The following PCSK6 variants were observed in gnomAD, a reference collection of about 807,000 sequenced individuals.
PCSK6 encodes the protein paired basic amino acid cleaving enzyme 4.
In PCSK6, 85 loss-of-function variants were observed where a neutral mutation model predicts 123.3. The observed-to-expected ratio is 0.69, with a 90% CI of 0.58 to 0.83. PCSK6 has a LOEUF of 0.83. Among genes scored for constraint, PCSK6 ranks in the 40% least tolerant of loss-of-function variants. The pLI, the probability that PCSK6 is intolerant of heterozygous loss-of-function variation, is 0.00. For synonymous variants in PCSK6, 508 were observed against 516.0 expected (o/e 0.98, Z 0.21); for missense variants, 1,191 against 1,282.3 (o/e 0.93, Z 1.09).
intron 8 of PCSK6, among the ~76,000 whole-genome samples, chr15:101,390,772 G>A (rs1449805012): frequency 6.6e-6 from 1 of 152,226 alleles, no homozygotes; most frequent in Non-Finnish European, 1.5e-5. Flanking sequence ...CCTTGGTCTT[G>A]GCCTCGTGAG....
intron 13 of PCSK6, chr15:101,347,177 G>A: frequency 8.1e-7 from 1 of 1,231,672 alleles, no homozygotes; most frequent in Non-Finnish European, 1.0e-6. Flanking sequence ...GGCACAGAAG[G>A]CATGTGCTTT....
intron 9 of PCSK6, 109 bp downstream of exon 9, chr15:101,389,355 A>T: frequency 1.2e-6 from 1 of 817,394 alleles, no homozygotes; most frequent in East Asian, 2.6e-5. Context: ...GAATGTGCTT[A>T]ATGCCGCTGA....
At chr15:101,414,978 C>T (rs534304117) in intron 6 of PCSK6, among the ~76,000 whole-genome samples, 14 of 152,278 alleles carry the variant, frequency 9.2e-5, no homozygotes, top group African/African-American at 3.1e-4. Flanking sequence ...CGCAAGTGTG[C>T]TACTTTTATC....
intron 6 of PCSK6, among the ~76,000 whole-genome samples, chr15:101,403,653 A>AC (rs1459748614): frequency 1.3e-5 from 2 of 151,826 alleles, no homozygotes; most frequent in South Asian, 4.2e-4. Flanking sequence ...CCTCCCTGTC[A>AC]CCCCCAGCTT....
chr15:101,315,292 C>T (rs888919114), intron 19 of PCSK6, among the ~76,000 whole-genome samples: 3 of 152,046 alleles, frequency 2.0e-5, no homozygotes, highest in Non-Finnish European at 2.9e-5. Flanking sequence ...TGTATTTTAC[C>T]GCAATAAAAA....
chr15:101,419,386 T>C (rs556371711), intron 6 of PCSK6, among the ~76,000 whole-genome samples: 1 of 152,070 alleles, frequency 6.6e-6, no homozygotes, highest in African/African-American at 2.4e-5. Context: ...ATGGAGAAAG[T>C]GATAAAACTT....
chr15:101,399,574 C>T (rs1011574948), intron 6 of PCSK6, among the ~76,000 whole-genome samples: 3 of 152,206 alleles, frequency 2.0e-5, no homozygotes, highest in Non-Finnish European at 4.4e-5. Context: ...TCATACTTGG[C>T]ATTTGCCTTT....
At chr15:101,308,297 G>A (rs1280030102) in intron 20 of PCSK6, 1 of 152,340 alleles carries the variant, frequency 6.6e-6, no homozygotes, top group Non-Finnish European at 1.5e-5. Flanking sequence ...CCATAGGCAG[G>A]GCTTGGAGCT....
chr15:101,315,666 C>T (rs2039973618), intron 19 of PCSK6, among the ~76,000 whole-genome samples: 1 of 152,256 alleles, frequency 6.6e-6, no homozygotes. Flanking sequence ...GTCTCAGGCA[C>T]AGGACGCTCA....
chr15:101,381,784 C>T (rs1325372271), intron 11 of PCSK6, among the ~76,000 whole-genome samples: 2 of 152,226 alleles, frequency 1.3e-5, no homozygotes, highest in Non-Finnish European at 2.9e-5. Flanking sequence ...CTTGGGCTGA[C>T]ATGCTAAACA....
intron 9 of PCSK6, among the ~76,000 whole-genome samples, chr15:101,386,922 G>C (rs980429357): frequency 3.3e-5 from 5 of 152,132 alleles, no homozygotes; most frequent in Admixed American, 1.3e-4. Context: ...TTTGTATGGC[G>C]GCTGCTCTGC....
rs564392533 is a variant in PCSK6 at position 101,361,574 on chromosome 15, C to T, written c.1858+4622G>A. 2.0e-5 allele frequency among the ~76,000 whole-genome samples: 3 copies of T among 152,162 alleles called. No individual in the cohort carries two copies. The South Asian group carries it at 6.2e-4, about 32-fold the overall frequency. On this transcript the variant is annotated intron_variant, in intron 13 of 21. Coordinates refer to ENST00000611716, the MANE Select transcript of PCSK6 (RefSeq NM_002570.5). Reference sequence around the variant, plus strand: ...AAGGCCCCATGGAGGTAAGACCAGGCATGTTAGGGGAACAGAACGGAGGTC... The same window carrying T: ...AAGGCCCCATGGAGGTAAGACCAGGTATGTTAGGGGAACAGAACGGAGGTC...
At chr15:101,391,805 C>T (rs1399715361) in intron 8 of PCSK6, among the ~76,000 whole-genome samples, 1 of 88,812 alleles carries the variant, frequency 1.1e-5, no homozygotes, top group Non-Finnish European at 2.3e-5. Context: ...AAATAACACC[C>T]CTCCTGTCAG....
intron 20 of PCSK6, chr15:101,308,640 C>G (rs562058994): frequency 6.6e-6 from 1 of 152,198 alleles, no homozygotes; most frequent in South Asian, 2.1e-4. Context: ...ATATTCCCAT[C>G]CAGGCCGCCC....
chr15:101,404,820 G>A (rs949242518), intron 6 of PCSK6, among the ~76,000 whole-genome samples: 3 of 152,136 alleles, frequency 2.0e-5, no homozygotes, highest in Non-Finnish European at 4.4e-5. Context: ...GCCACCCGGG[G>A]GTCAAGACCA....
intron 9 of PCSK6, among the ~76,000 whole-genome samples, chr15:101,386,837 T>C (rs2042079270): frequency 6.6e-6 from 1 of 152,240 alleles, no homozygotes; most frequent in Non-Finnish European, 1.5e-5. Flanking sequence ...CTTTCAATCC[T>C]GGATATCACC....
At chr15:101,450,969 C>G (rs1474398388) in intron 1 of PCSK6, among the ~76,000 whole-genome samples, 1 of 151,578 alleles carries the variant, frequency 6.6e-6, no homozygotes, top group Non-Finnish European at 1.5e-5. Context: ...GAGAAGAACT[C>G]TCGGGCGCAG....
chr15:101,463,041 T>C lies in PCSK6; in HGVS notation c.298-19381A>G, dbSNP rs1179179662. 4 of 461,944 alleles carry C rather than the reference T, an allele frequency of 8.7e-6. No homozygotes were observed. In the East Asian group the frequency reaches 2.6e-4, roughly 30 times the overall value. 28.6% of individuals were successfully genotyped at this position (461,944 alleles called of 1,614,324 possible). On this transcript the variant is annotated intron_variant, in intron 1 of 21. Transcript: ENST00000611716. Reference sequence around the variant, plus strand: ...GTCTCTGCAGATGGTGGGTGAGAGTTCGCTGCCAAAACCACTGTCTTCCCT... The same window carrying C: ...GTCTCTGCAGATGGTGGGTGAGAGTCCGCTGCCAAAACCACTGTCTTCCCT...
At chr15:101,418,237 T>C (rs984005018) in intron 6 of PCSK6, among the ~76,000 whole-genome samples, 2 of 152,210 alleles carry the variant, frequency 1.3e-5, no homozygotes, top group African/African-American at 4.8e-5. Context: ...TAATCAGCTC[T>C]ACCAACACTT....
Sources: allele counts gnomAD v4.1 joint callset (sites outside exome capture counted in the v4.1 genomes callset), GRCh38; gene constraint gnomAD v4.1.1; transcripts MANE v1.5; gene names NCBI Gene and HGNC (gene_info 2026-07-23, HGNC 2026-07-21).